BABAM1: variants seen among roughly 807,000 people sequenced by gnomAD.
BABAM1 encodes BRISC and BRCA1-A complex member 1.
A neutral mutation model predicts 34.4 loss-of-function variants in BABAM1; 14 were observed. The observed-to-expected ratio is 0.41, with a 90% CI of 0.27 to 0.64. The LOEUF is 0.64. BABAM1 is among the 30% of genes least tolerant of loss of function. BABAM1 has a pLI of 0.34. For missense variants in BABAM1, 393 were observed against 434.0 expected (o/e 0.91, Z 0.84); for synonymous variants, 169 against 165.8 (o/e 1.02, Z -0.15).
chr19:17,276,606 C>A lies in BABAM1; in HGVS notation c.681C>A (p.Ser227=). The A allele has an allele frequency of 6.2e-7, 1 of 1,605,542 alleles. No homozygotes were observed. Among genetic ancestry groups the A allele is most frequent in the Non-Finnish European group, 8.5e-7 (1 of 1,176,192 alleles). The change falls in exon 7 of 9, where the codon TCC becomes TCA. Residue 227 remains serine, a synonymous_variant. Coordinates refer to ENST00000598188, the MANE Select transcript of BABAM1 (RefSeq NM_014173.4). ...GTCCACCTTGCCAGCCCCAGTTCTCCTTGACGGAGCCCATGAAGGTGGGTG... is the reference window on the plus strand; with the variant it reads ...GTCCACCTTGCCAGCCCCAGTTCTCATTGACGGAGCCCATGAAGGTGGGTG... The part of the protein sequence containing the change: ...YSRPPCQPQF[S]LTEPMKKMFQ...
At chr19:17,270,133 G>A (rs376245192) in intron 2 of BABAM1, among the ~76,000 whole-genome samples, 32 of 152,016 alleles carry the variant, frequency 2.1e-4, no homozygotes, top group African/African-American at 6.7e-4. Flanking sequence ...GGGTTTCACC[G>A]TGTTAGCCAG....
Position 17,273,997 on chromosome 19 carries a change from G to C in BABAM1, c.438G>C (p.Leu146=). ...HKIDKSHEFA[L]VVVNDDTAWL... ...TCGACAAAAGCCACGAGTTTGCACT[G>C]GTGGTGGTGAACGATGACACGGCCT... The change falls in exon 4 of 9, where the codon CTG becomes CTC. Residue 146 remains leucine, a synonymous_variant. Transcript: ENST00000598188. The C allele has an allele frequency of 1.9e-6, 3 of 1,613,976 alleles. No individual in the cohort carries two copies. The highest frequency in any genetic ancestry group is 2.2e-5 in the East Asian group (1 of 44,872).
Position 17,268,623 on chromosome 19 carries a change from T to G in BABAM1, c.-13-171T>G. ...TTTGTATTTTTAGTTGAGACGGGGT[T>G]TCTCCATGTTGGTCAGGCTGGTCTC... On this transcript the variant is annotated intron_variant, in intron 1 of 8. Coordinates refer to ENST00000598188, the MANE Select transcript of BABAM1 (RefSeq NM_014173.4). The G allele has an allele frequency of 4.8e-6, 3 of 622,498 alleles. No individual in the cohort carries two copies. The South Asian group carries it at 6.7e-5, about 14-fold the overall frequency. 38.6% of individuals were successfully genotyped at this position (622,498 alleles called of 1,614,324 possible).
rs1471425304 is a variant in BABAM1, at chr19:17,276,475, C to T, written c.570-20C>T. ...ACCCCCACAGGCTGCTCTGACTGCTCCCTCCTCCCGGGTATGCAGCCAGCA... is the reference window on the plus strand; with the variant it reads ...ACCCCCACAGGCTGCTCTGACTGCTTCCTCCTCCCGGGTATGCAGCCAGCA... On this transcript the variant is annotated intron_variant, in intron 6 of 8. Coordinates refer to ENST00000598188, the MANE Select transcript of BABAM1 (RefSeq NM_014173.4). The T allele has an allele frequency of 2.5e-6, 4 of 1,583,654 alleles. No homozygotes were observed. The highest frequency in any genetic ancestry group is 3.4e-6 in the Non-Finnish European group (4 of 1,165,862).
At chr19:17,273,564 G>GTTTTTTTTTTTTT (rs754203595) in intron 3 of BABAM1, among the ~76,000 whole-genome samples, 21 of 45,922 alleles carry the variant, frequency 4.6e-4, no homozygotes, top group South Asian at 6.5e-4. Context: ...TGTTTGTTTT[G>GTTTTTTTTTTTTT]TTTTTTTTTT....
intron 1 of BABAM1, chr19:17,268,427 CTTTTT>C (rs10715818): frequency 9.3e-5 from 12 of 129,178 alleles, no homozygotes; most frequent in South Asian, 5.5e-4. Flanking sequence ...AGTAACCAAT[CTTTTT>C]TTTTTTTTTT....
chr19:17,278,713 G>A, intron 8 of BABAM1, 132 bp from the exon 9 acceptor site: 1 of 813,268 alleles, frequency 1.2e-6, no homozygotes, highest in Non-Finnish European at 1.9e-6. Context: ...TTTCTGCTTG[G>A]CAAACTCCTC....
chr19:17,268,320 G>C (rs1035785184), intron 1 of BABAM1, among the ~76,000 whole-genome samples: 4 of 151,944 alleles, frequency 2.6e-5, no homozygotes, highest in African/African-American at 7.3e-5. Context: ...GCTCGGCTGA[G>C]AGGTGTAAAA....
At chr19:17,276,280 A>ACC in intron 6 of BABAM1, 1 of 649,040 alleles carries the variant, frequency 1.5e-6, no homozygotes, top group Non-Finnish European at 2.6e-6. Flanking sequence ...GGTTGCAGTG[A>ACC]GCCGAGATCT....
chr19:17,271,587 T>C lies in BABAM1; in HGVS notation c.286-10T>C. On this transcript the variant is annotated splice_polypyrimidine_tract_variant and intron_variant, in intron 2 of 8. Coordinates refer to ENST00000598188, the MANE Select transcript of BABAM1 (RefSeq NM_014173.4). ...CAGAGGACGCTCACCACCCTCCAAC[T>C]ACCTTGCAGATTATCTGCCTGGACC... 1 of 1,613,480 alleles carries C rather than the reference T, an allele frequency of 6.2e-7. No individual in the cohort carries two copies. Among genetic ancestry groups the C allele is most frequent in the Non-Finnish European group, 8.5e-7 (1 of 1,179,690 alleles).
chr19:17,278,160 C>T (rs370655658), intron 8 of BABAM1, among the ~76,000 whole-genome samples: 60 of 151,656 alleles, frequency 4.0e-4, no homozygotes, highest in African/African-American at 1.0e-3. Flanking sequence ...GGAACAACAG[C>T]GAAACCCTGT....
At chr19:17,269,120 G>A in intron 2 of BABAM1, 29 bp downstream of exon 2, 1 of 1,553,556 alleles carries the variant, frequency 6.4e-7, no homozygotes, top group Non-Finnish European at 8.7e-7. Flanking sequence ...CTGGGGCTCT[G>A]AGATGCTAGG....
intron 1 of BABAM1, among the ~76,000 whole-genome samples, chr19:17,267,848 G>C (rs1369398160): frequency 6.6e-6 from 1 of 152,178 alleles, no homozygotes; most frequent in Non-Finnish European, 1.5e-5. Flanking sequence ...CTAGGGACGA[G>C]GGTGTCCTAG....
chr19:17,276,109 G>A (rs2073904810), intron 6 of BABAM1, among the ~76,000 whole-genome samples: 1 of 152,178 alleles, frequency 6.6e-6, no homozygotes, highest in South Asian at 2.1e-4. Context: ...CACTTTGGGA[G>A]GCCGAGGCGG....
rs1405208791 is a variant in BABAM1 at position 17,278,932 on chromosome 19, C to T, written c.874C>T (p.His292Tyr). The change falls in exon 9 of 9, where the codon CAC becomes TAC. Residue 292 changes from histidine to tyrosine, a missense_variant. By Grantham distance (83) the His-to-Tyr change is moderately conservative. Coordinates refer to ENST00000598188, the MANE Select transcript of BABAM1 (RefSeq NM_014173.4). ...VALAGPALEL[H>Y]NCMAKLLAHP... is the part of the protein sequence containing the mutation. ...ACTGGCTGGGCCAGCCCTGGAGTTGCACAACTGCATGGCGAAACTGTTGGC... is the reference window on the plus strand; with the variant it reads ...ACTGGCTGGGCCAGCCCTGGAGTTGTACAACTGCATGGCGAAACTGTTGGC... 1.9e-6 allele frequency: 3 copies of T among 1,613,308 alleles called. No individual in the cohort carries two copies. Among genetic ancestry groups the T allele is most frequent in the Non-Finnish European group, 2.5e-6 (3 of 1,179,758 alleles).
In BABAM1 at chr19:17,269,109, C is replaced by T; in HGVS notation, c.285+18C>T. 6.4e-7 allele frequency: 1 copy of T among 1,574,072 alleles called. No individual in the cohort carries two copies. The highest frequency in any genetic ancestry group is 8.6e-7 in the Non-Finnish European group (1 of 1,158,652). ...AGAAAGTGGTAAGTAGAGGGGGTGGCCTGGGGCTCTGAGATGCTAGGGAAC... is the reference window on the plus strand; with the variant it reads ...AGAAAGTGGTAAGTAGAGGGGGTGGTCTGGGGCTCTGAGATGCTAGGGAAC... On this transcript the variant is annotated intron_variant, in intron 2 of 8. Transcript: ENST00000598188.
chr19:17,267,764 T>C lies in BABAM1; in HGVS notation c.-14+237T>C, dbSNP rs78945136. Among the ~76,000 whole-genome samples the C allele has an allele frequency of 5.3e-5, 8 of 152,302 alleles. No homozygotes were observed. In the East Asian group the frequency reaches 1.5e-3, roughly 29 times the overall value. ...CCTATTTCCCAGATAGACAAACTGCTCCATTCGCGTCCTGTTTCTCTCCAA... is the reference window on the plus strand; with the variant it reads ...CCTATTTCCCAGATAGACAAACTGCCCCATTCGCGTCCTGTTTCTCTCCAA... On this transcript the variant is annotated intron_variant, in intron 1 of 8. Coordinates refer to ENST00000598188, the MANE Select transcript of BABAM1 (RefSeq NM_014173.4).
chr19:17,271,749 C>A, intron 3 of BABAM1, 94 bp downstream of exon 3: 2 of 1,391,806 alleles, frequency 1.4e-6, no homozygotes, highest in Non-Finnish European at 2.0e-6. Context: ...CTCACACCAG[C>A]TTGGTCTGGC....
At position 17,275,919 on chromosome 19, in the gene BABAM1, C is replaced by G. The variant is rs1201573859; in HGVS notation, c.569+94C>G. 14 of 1,396,090 alleles carry G rather than the reference C, an allele frequency of 1.0e-5. No homozygotes were observed. In the South Asian group the frequency reaches 1.5e-4, roughly 15 times the overall value. 86.5% of individuals were successfully genotyped at this position (1,396,090 alleles called of 1,614,324 possible). ...AACGGCACAGAAGTAATCTAGGGAGCCTTAAAGCCTCCTCCCTTCCTACCT... is the reference window on the plus strand; with the variant it reads ...AACGGCACAGAAGTAATCTAGGGAGGCTTAAAGCCTCCTCCCTTCCTACCT... On this transcript the variant is annotated intron_variant, in intron 6 of 8. Transcript: ENST00000598188.
Sources: allele counts gnomAD v4.1 joint callset (sites outside exome capture counted in the v4.1 genomes callset), GRCh38; gene constraint gnomAD v4.1.1; transcripts MANE v1.5; gene names NCBI Gene and HGNC (gene_info 2026-07-23, HGNC 2026-07-21).